Variants in TMEM231 observed in about 807,000 individuals in gnomAD.
TMEM231 encodes the protein transmembrane protein 231.
A neutral mutation model predicts 38.5 loss-of-function variants in TMEM231; 40 were observed. The ratio of observed to expected loss-of-function variants is 1.04; its 90% CI spans 0.81 to 1.35. The LOEUF (loss-of-function observed/expected upper bound fraction) is 1.35. Ranked by LOEUF, TMEM231 falls within the 40% of genes most tolerant of loss-of-function variation. TMEM231 has a pLI of 0.00. For missense variants in TMEM231, 420 were observed against 416.9 expected (o/e 1.01, Z -0.07); for synonymous variants, 199 against 181.7 (o/e 1.10, Z -0.77).
chr16:75,551,296 C>G (rs1183074823), intron 2 of TMEM231, among the ~76,000 whole-genome samples: 1 of 152,184 alleles, frequency 6.6e-6, no homozygotes. Flanking sequence ...CTCTCAGGCT[C>G]AAGTGATCCT....
Position 75,539,391 on chromosome 16 carries a change from A to G in TMEM231, c.*603T>C, listed in dbSNP as rs1230686547. 1 of 152,224 alleles carries G rather than the reference A, an allele frequency of 6.6e-6. No homozygotes were observed. Among genetic ancestry groups the G allele is most frequent in the Non-Finnish European group, 1.5e-5 (1 of 68,068 alleles). The allele number at this position is 152,224 out of a possible 1,614,324, so 9.4% of individuals were successfully genotyped here. A position where few individuals can be genotyped will look rare whatever the true frequency, so the allele number is the denominator to read the frequency against. ...AGATGACTGACTGTTGGGCTGGGGC[A>G]GGTGGACGGTCCAAGTGTCCTTCAG... On this transcript the variant is annotated 3_prime_UTR_variant, in exon 7 of 7. Coordinates refer to ENST00000258173, the MANE Select transcript of TMEM231 (RefSeq NM_001077418.3).
intron 2 of TMEM231, among the ~76,000 whole-genome samples, chr16:75,546,858 T>G (rs1007874599): frequency 5.3e-5 from 8 of 152,174 alleles, no homozygotes; most frequent in Non-Finnish European, 1.0e-4. Flanking sequence ...CATCTTTTAG[T>G]AGCAATCAAT....
intron 6 of TMEM231, among the ~76,000 whole-genome samples, chr16:75,540,635 G>C (rs2080613609): frequency 6.6e-6 from 1 of 152,190 alleles, no homozygotes; most frequent in African/African-American, 2.4e-5. Context: ...GTTGGTGTTG[G>C]TTTCATTTTC....
At chr16:75,551,915 T>C (rs2080766179) in intron 2 of TMEM231, among the ~76,000 whole-genome samples, 1 of 151,140 alleles carries the variant, frequency 6.6e-6, no homozygotes, top group Non-Finnish European at 1.5e-5. Context: ...TGAGAAGAGA[T>C]TGCGCCACTG....
At chr16:75,552,348 G>A (rs2080772618) in intron 2 of TMEM231, among the ~76,000 whole-genome samples, 2 of 152,108 alleles carry the variant, frequency 1.3e-5, no homozygotes, top group South Asian at 4.1e-4. Context: ...AGCTCCTTCG[G>A]AGGCTGAGGC....
Position 75,555,855 on chromosome 16 carries a change from G to A in TMEM231, c.258C>T (p.Phe86=). The change falls in exon 2 of 7, where the codon TTC becomes TTT. Residue 86 remains phenylalanine (F), a synonymous_variant. Transcript: ENST00000258173. The stretch of plus-strand genomic sequence containing the variant: ...CCCCTTGCAGCCGGTTGAAGGCGGG[G>A]AACGTGCTCCAGGCGAGGAACCCGT... ...ESDGFLAWST[F]PAFNRLQGDR... 1.3e-6 allele frequency: 2 copies of A among 1,584,218 alleles called. No individual in the cohort carries two copies. Among genetic ancestry groups the A allele is most frequent in the South Asian group, 1.2e-5 (1 of 86,532 alleles).
Position 75,555,980 on chromosome 16 carries a change from TAA to T in TMEM231, c.140-9_140-8del, listed in dbSNP as rs751903254. 3 of 1,599,388 alleles carry T rather than the reference TAA, an allele frequency of 1.9e-6. No individual in the cohort carries two copies. The highest frequency in any genetic ancestry group is 4.5e-5 in the East Asian group (2 of 44,168). ...CTCCGCTTCAGCCAAAACCCTGAGT[TAA>T]AGAGGGCGGTAGGGAGGCGGTTAGG... On this transcript the variant is annotated splice_polypyrimidine_tract_variant and splice_region_variant and intron_variant, in intron 1 of 6. Coordinates refer to ENST00000258173, the MANE Select transcript of TMEM231 (RefSeq NM_001077418.3).
intron 2 of TMEM231, among the ~76,000 whole-genome samples, chr16:75,548,088 G>A (rs963320622): frequency 6.6e-6 from 1 of 152,148 alleles, no homozygotes; most frequent in Non-Finnish European, 1.5e-5. Flanking sequence ...TTACACAGAT[G>A]ACAAAATCAA....
At chr16:75,544,182 G>A (rs1011018028) in intron 4 of TMEM231, among the ~76,000 whole-genome samples, 1 of 152,246 alleles carries the variant, frequency 6.6e-6, no homozygotes, top group Admixed American at 6.5e-5. Flanking sequence ...GGATGTGATA[G>A]TATTTGAGAT....
At chr16:75,545,259 CT>C in intron 4 of TMEM231, 92 bp downstream of exon 4, 1 of 1,521,024 alleles carries the variant, frequency 6.6e-7, no homozygotes, top group Admixed American at 2.0e-5. Context: ...TGCGCCTGGC[CT>C]GACATTTCTA....
chr16:75,541,030 A>AAG (rs2080620525), intron 6 of TMEM231, among the ~76,000 whole-genome samples: 1 of 152,066 alleles, frequency 6.6e-6, no homozygotes, highest in Admixed American at 6.6e-5. Context: ...TGTTTGCTTT[A>AAG]AGAGGCAGGG....
chr16:75,550,290 G>T (rs925857001), intron 2 of TMEM231, among the ~76,000 whole-genome samples: 4 of 152,238 alleles, frequency 2.6e-5, no homozygotes, highest in Non-Finnish European at 5.9e-5. Context: ...CCTTGAAGCC[G>T]GTAGGAGAGG....
In TMEM231 at chr16:75,555,993, A is replaced by C. The variant is rs2080806379; in HGVS notation, c.140-20T>G. The C allele has an allele frequency of 1.3e-6, 2 of 1,594,040 alleles. No individual in the cohort carries two copies. The highest frequency in any genetic ancestry group is 3.5e-5 in the Admixed American group (2 of 57,460). ...AAAACCCTGAGTTAAAGAGGGCGGT[A>C]GGGAGGCGGTTAGGGAGGCCGGCCC... On this transcript the variant is annotated intron_variant, in intron 1 of 6. Coordinates refer to ENST00000258173, the MANE Select transcript of TMEM231 (RefSeq NM_001077418.3).
intron 5 of TMEM231, chr16:75,541,883 T>G (rs1433838370): frequency 6.5e-6 from 1 of 153,536 alleles, no homozygotes; most frequent in Non-Finnish European, 1.4e-5. Flanking sequence ...GAAAAAATAG[T>G]TGATTTGTAG....
Position 75,542,639 on chromosome 16 carries a change from G to A in TMEM231, c.627C>T (p.Asp209=), listed in dbSNP as rs763969328. ...NGTSPFAYDY[D]LTHIVAAYQE... is the part of the protein sequence containing the mutation. Reference sequence around the variant, plus strand: ...GGTAGGCAGCAACAATATGGGTGAGGTCGTAGTCATAGGCAAAGGGGCTGG... The same window carrying A: ...GGTAGGCAGCAACAATATGGGTGAGATCGTAGTCATAGGCAAAGGGGCTGG... The change falls in exon 5 of 7, where the codon GAC becomes GAT. Residue 209 remains aspartate (D), a synonymous_variant. Transcript: ENST00000258173. The A allele has an allele frequency of 1.9e-6, 3 of 1,613,906 alleles. No homozygotes were observed. The South Asian group carries it at 3.3e-5, about 18-fold the overall frequency.
chr16:75,543,028 G>C (rs1282455820), intron 4 of TMEM231, among the ~76,000 whole-genome samples: 1 of 152,138 alleles, frequency 6.6e-6, no homozygotes, highest in Admixed American at 6.5e-5. Flanking sequence ...AGGTTTTAAA[G>C]CTATTTTTAA....
chr16:75,547,435 T>C (rs1053784296), intron 2 of TMEM231, among the ~76,000 whole-genome samples: 3 of 152,222 alleles, frequency 2.0e-5, no homozygotes, highest in Non-Finnish European at 4.4e-5. Context: ...TCTTGGATAC[T>C]TCCTCTCTGC....
At chr16:75,541,809 A>G (rs547497319) in intron 5 of TMEM231, 281 of 159,718 alleles carry the variant, frequency 1.8e-3, no homozygotes, top group Non-Finnish European at 2.8e-3. Context: ...TTGGATCCCA[A>G]TGTGTTTCTA....
intron 6 of TMEM231, 44 bp downstream of exon 6, chr16:75,541,306 C>T (rs763365146): frequency 1.3e-5 from 19 of 1,435,614 alleles, no homozygotes; most frequent in South Asian, 1.3e-4. Flanking sequence ...AGGCAGGAGC[C>T]ACCACATCCA....
Sources: allele counts gnomAD v4.1 joint callset (sites outside exome capture counted in the v4.1 genomes callset), GRCh38; gene constraint gnomAD v4.1.1; transcripts MANE v1.5; gene names NCBI Gene and HGNC (gene_info 2026-07-23, HGNC 2026-07-21).